ADPRHL1: variants seen among roughly 807,000 people sequenced by gnomAD.
ADPRHL1 encodes inactive ADP-ribosyltransferase ARH2.
In ADPRHL1, 43 loss-of-function variants were observed where a neutral mutation model predicts 44.1. The observed-to-expected ratio is 0.98, with a 90% CI of 0.76 to 1.26. The LOEUF (loss-of-function observed/expected upper bound fraction) is 1.26. ADPRHL1 is among the 50% of genes most tolerant of loss of function. The pLI, the probability that ADPRHL1 is intolerant of heterozygous loss-of-function variation, is 0.00. For synonymous variants in ADPRHL1, 878 were observed against 1,017.4 expected, an observed-to-expected ratio of 0.86 and a Z score of 2.61; for missense variants, 2,022 against 2,496.9, an observed-to-expected ratio of 0.81 and a Z score of 4.05.
intron 6 of ADPRHL1, among the ~76,000 whole-genome samples, chr13:113,423,426 C>G (rs1255644332): frequency 2.0e-5 from 3 of 152,224 alleles, no homozygotes; most frequent in African/African-American, 7.2e-5. Context: ...CCGCATGGTC[C>G]CACCCTTGAG....
chr13:113,437,838 T>C (rs2044072358), intron 2 of ADPRHL1, among the ~76,000 whole-genome samples: 1 of 152,130 alleles, frequency 6.6e-6, no homozygotes, highest in Non-Finnish European at 1.5e-5. Context: ...TGTTTAACTT[T>C]TTTGTTTGTT....
At chr13:113,430,171 G>A (rs7987217) in intron 3 of ADPRHL1, among the ~76,000 whole-genome samples, 53,275 of 152,074 alleles carry the variant, frequency 0.35, 9,795 homozygotes, top group Middle Eastern at 0.49. Flanking sequence ...CATTGCAGTG[G>A]CCTCATTCCG....
rs188020465 is a variant in ADPRHL1 at position 113,439,849 on chromosome 13, C to T, written c.379+4576G>A. Among the ~76,000 whole-genome samples the T allele has an allele frequency of 3.7e-3, 558 of 152,312 alleles. 3 individuals carry two copies. The highest frequency in any genetic ancestry group is 5.9e-3 in the Non-Finnish European group (404 of 68,024). ...TTTCAAAAACATTTGTCCTTTTAAT[C>T]TAAGTTGTTAAATGTATTGGCATAA... On this transcript the variant is annotated intron_variant, in intron 2 of 7. Coordinates refer to ENST00000612156, the MANE Select transcript of ADPRHL1 (RefSeq NM_001394807.1).
At chr13:113,416,836 G>A (rs1466681430) in intron 7 of ADPRHL1, among the ~76,000 whole-genome samples, 1 of 152,226 alleles carries the variant, frequency 6.6e-6, no homozygotes, top group Non-Finnish European at 1.5e-5. Context: ...TTTATGGTGA[G>A]AGGATATAGG....
Position 113,409,299 on chromosome 13 carries a change from T to C in ADPRHL1, c.1062-1079A>G. ...CTGTGGCAGGGGGTGGAGCCGTCTC[T>C]GACCTCCCCAGATGATAATTTTGGG... On this transcript the variant is annotated intron_variant, in intron 7 of 7. Coordinates refer to ENST00000612156, the MANE Select transcript of ADPRHL1 (RefSeq NM_001394807.1). This position sits in a 1 kb window ranked among gnomAD's most constrained non-coding sequence, Gnocchi z 4.2. The C allele has an allele frequency of 2.6e-5, 26 of 985,436 alleles. No homozygotes were observed. Among genetic ancestry groups the C allele is most frequent in the Non-Finnish European group, 3.0e-5 (25 of 829,928 alleles). 61.0% of individuals were successfully genotyped at this position (985,436 alleles called of 1,614,324 possible).
intron 2 of ADPRHL1, among the ~76,000 whole-genome samples, chr13:113,440,959 C>T (rs2044093751): frequency 6.6e-6 from 1 of 152,006 alleles, no homozygotes; most frequent in Non-Finnish European, 1.5e-5. Context: ...TTGAGGCCAG[C>T]CTGGCCAACA....
chr13:113,422,818 G>A lies in ADPRHL1; in HGVS notation c.1061+8C>T. 6.2e-7 allele frequency: 1 copy of A among 1,612,804 alleles called. No homozygotes were observed. Among genetic ancestry groups the A allele is most frequent in the Non-Finnish European group, 8.5e-7 (1 of 1,179,924 alleles). Reference sequence around the variant, plus strand: ...TCTCTAGGGGGAAAGTGGCAGAAATGGCTTTACTTCTCCTCTGTGGACAGG... The same window carrying A: ...TCTCTAGGGGGAAAGTGGCAGAAATAGCTTTACTTCTCCTCTGTGGACAGG... On this transcript the variant is annotated splice_region_variant and intron_variant, in intron 7 of 7. Coordinates refer to ENST00000612156, the MANE Select transcript of ADPRHL1 (RefSeq NM_001394807.1).
At chr13:113,448,869 A>G (rs940542156) in intron 1 of ADPRHL1, 95 of 851,002 alleles carry the variant, frequency 1.1e-4, no homozygotes, top group Non-Finnish European at 1.1e-4. Flanking sequence ...AGGCCCTGGG[A>G]GGGAAGCCAC....
chr13:113,437,084 G>C (rs1368527316), intron 2 of ADPRHL1, among the ~76,000 whole-genome samples: 1 of 142,210 alleles, frequency 7.0e-6, no homozygotes, highest in Non-Finnish European at 1.5e-5. Flanking sequence ...GCACCCACAC[G>C]TAGAGTGAAC....
At chr13:113,428,878 T>C in intron 4 of ADPRHL1, 74 bp downstream of exon 4, 3 of 1,590,914 alleles carry the variant, frequency 1.9e-6, no homozygotes, top group South Asian at 2.2e-5. Flanking sequence ...CTTGAAGTAT[T>C]TGGGGGCCCA....
intron 1 of ADPRHL1, 131 bp from the exon 2 acceptor site, chr13:113,444,720 T>C: frequency 9.1e-7 from 1 of 1,099,262 alleles, no homozygotes; most frequent in African/African-American, 1.6e-5. Flanking sequence ...CCTCCCGGGT[T>C]CACTCCGTTC....
intron 6 of ADPRHL1, among the ~76,000 whole-genome samples, chr13:113,423,803 CA>C: frequency 6.6e-6 from 1 of 152,232 alleles, no homozygotes; most frequent in East Asian, 1.9e-4. Flanking sequence ...GGCTGCAGAG[CA>C]AAGGACAAGA....
At chr13:113,437,007 G>T (rs2044064328) in intron 2 of ADPRHL1, among the ~76,000 whole-genome samples, 1 of 146,826 alleles carries the variant, frequency 6.8e-6, no homozygotes, top group Non-Finnish European at 1.5e-5. Flanking sequence ...GGTGTAGAGT[G>T]AGCATAGGTG....
intron 7 of ADPRHL1, among the ~76,000 whole-genome samples, chr13:113,416,119 T>C (rs1566469188): frequency 6.6e-6 from 1 of 151,408 alleles, no homozygotes; most frequent in Non-Finnish European, 1.5e-5. Flanking sequence ...GTCTATCTAG[T>C]AAAGCCGAGA....
rs77816224 is a variant in ADPRHL1, at chr13:113,403,173, C to T, written c.*205G>A. 0.032 allele frequency: 13,120 copies of T among 406,968 alleles called. 404 individuals carry two copies. Among genetic ancestry groups the T allele is most frequent in the African/African-American group, 0.11 (5,535 of 48,628 alleles). 25.2% of individuals were successfully genotyped at this position (406,968 alleles called of 1,614,324 possible). A position where few individuals can be genotyped will look rare whatever the true frequency, so the allele number is the denominator to read the frequency against. On this transcript the variant is annotated 3_prime_UTR_variant, in exon 8 of 8. Transcript: ENST00000612156. ...CCCGCACCTCCCACCCCCATGGCCT[C>T]GTGGCTCTGTGGGGTGACAGGAACC...
intron 7 of ADPRHL1, 23 bp downstream of exon 7, chr13:113,422,803 G>T (rs113734606): frequency 1.9e-6 from 3 of 1,612,662 alleles, no homozygotes; most frequent in East Asian, 4.5e-5. Flanking sequence ...TCTCTAGGGG[G>T]AAAGTGGCAG....
Position 113,453,356 on chromosome 13 carries a change from T to C in ADPRHL1, c.82A>G (p.Thr28Ala). The change falls in exon 1 of 8, where the codon ACT becomes GCT. Residue 28 changes from threonine to alanine, a missense_variant. Transcript: ENST00000612156. The surrounding 1 kb of genome is among the most constrained non-coding windows in gnomAD (Gnocchi z 5.4). ...GYRNVCKENS[T>A]VGMKIQEELQ... ...TCCTCCTGGATCTTCATGCCTACAG[T>C]GCTGTTCTCCTTGCAGACATTTCTG... 6.2e-7 allele frequency: 1 copy of C among 1,614,204 alleles called. No individual in the cohort carries two copies. Among genetic ancestry groups the C allele is most frequent in the African/African-American group, 1.3e-5 (1 of 75,062 alleles).
At chr13:113,434,599 C>T in intron 2 of ADPRHL1, among the ~76,000 whole-genome samples, 1 of 140,984 alleles carries the variant, frequency 7.1e-6, no homozygotes, top group Admixed American at 7.0e-5. Context: ...GGACCCGGCA[C>T]CCAGGTGTAG....
chr13:113,414,835 C>T (rs2043879257), intron 7 of ADPRHL1, among the ~76,000 whole-genome samples: 1 of 152,040 alleles, frequency 6.6e-6, no homozygotes, highest in South Asian at 2.1e-4. Flanking sequence ...GCCACCACGC[C>T]CAGCTAATTT....
Sources: allele counts gnomAD v4.1 joint callset (sites outside exome capture counted in the v4.1 genomes callset), GRCh38; gene constraint gnomAD v4.1.1; non-coding constraint Gnocchi (gnomAD v3.1); transcripts MANE v1.5; gene names NCBI Gene and HGNC (gene_info 2026-07-23, HGNC 2026-07-21).